Variants in LRBA observed in about 807,000 individuals in gnomAD.
LRBA encodes the protein lipopolysaccharide-responsive and beige-like anchor protein.
In LRBA, 176 loss-of-function variants were observed where a neutral mutation model predicts 330.0. The observed-to-expected ratio is 0.53, with a 90% CI of 0.47 to 0.60. LRBA has a LOEUF of 0.60. LRBA is among the 20% of genes least tolerant of loss of function. The probability of loss-of-function intolerance (pLI) is 0.00; values close to 1 mark genes in which losing one functional copy is unlikely to be tolerated. For synonymous variants in LRBA, 1,230 were observed against 1,193.0 expected, an observed-to-expected ratio of 1.03 and a Z score of -0.64; for missense variants, 3,259 against 3,444.8, an observed-to-expected ratio of 0.95 and a Z score of 1.35.
chr4:151,002,937 C>A (rs1579462278), intron 2 of LRBA, among the ~76,000 whole-genome samples: 1 of 151,520 alleles, frequency 6.6e-6, no homozygotes, highest in Non-Finnish European at 1.5e-5. Flanking sequence ...TAGTTTGAGC[C>A]CAGGAGGTGG....
chr4:151,005,292 A>G (rs541623715), intron 2 of LRBA, among the ~76,000 whole-genome samples: 8 of 151,844 alleles, frequency 5.3e-5, no homozygotes, highest in Non-Finnish European at 1.2e-4. Context: ...ACAAATACAA[A>G]AAATTAGCCA....
intron 44 of LRBA, among the ~76,000 whole-genome samples, chr4:150,457,162 T>A (rs909509814): frequency 6.6e-6 from 1 of 152,116 alleles, no homozygotes; most frequent in Non-Finnish European, 1.5e-5. Context: ...TTTACTCCTT[T>A]CCACTTCCAA....
In LRBA at chr4:150,908,792, G is replaced by A. The variant is rs773404349; in HGVS notation, c.1227C>T (p.Tyr409=). The part of the protein sequence containing the change: ...FLAEHHKLLL[Y]DGKLSSAIAF... ...CAATGGCACTAGAGAGTTTCCCATC[G>A]TACAATAAAAGTTTGTGATGCTCAG... Residue 409 remains tyrosine, a synonymous_variant, in exon 10 of 57, where the codon TAC becomes TAT. Transcript: ENST00000651943. 10 of 1,613,606 alleles carry A rather than the reference G, an allele frequency of 6.2e-6. No individual in the cohort carries two copies. The highest frequency in any genetic ancestry group is 1.3e-5 in the African/African-American group (1 of 74,892).
At chr4:150,834,215 T>C (rs1354663338) in intron 28 of LRBA, among the ~76,000 whole-genome samples, 1 of 152,344 alleles carries the variant, frequency 6.6e-6, no homozygotes, top group East Asian at 1.9e-4. Context: ...TTTCTTCCCA[T>C]GAATCACATG....
intron 37 of LRBA, among the ~76,000 whole-genome samples, chr4:150,607,428 A>G (rs1774763766): frequency 6.6e-6 from 1 of 151,986 alleles, no homozygotes; most frequent in South Asian, 2.1e-4. Flanking sequence ...CAAGGGCTGT[A>G]ACAAGAGGGA....
At chr4:150,593,324 T>C (rs1773118553) in intron 38 of LRBA, among the ~76,000 whole-genome samples, 1 of 152,090 alleles carries the variant, frequency 6.6e-6, no homozygotes. Context: ...AGTCAGGGAG[T>C]AGTGTTAAAA....
intron 40 of LRBA, among the ~76,000 whole-genome samples, chr4:150,570,082 A>C (rs1327132753): frequency 6.6e-6 from 1 of 152,166 alleles, no homozygotes; most frequent in African/African-American, 2.4e-5. Flanking sequence ...GTAATGTAAA[A>C]GATGGTTCAA....
intron 40 of LRBA, among the ~76,000 whole-genome samples, chr4:150,528,688 A>G (rs1763744671): frequency 1.3e-5 from 2 of 152,130 alleles, no homozygotes; most frequent in South Asian, 2.1e-4. Context: ...TAGGTAATAA[A>G]GAGCTTTTCA....
intron 17 of LRBA, among the ~76,000 whole-genome samples, chr4:150,872,996 A>G (rs189025282): frequency 1.3e-5 from 2 of 152,112 alleles, no homozygotes; most frequent in African/African-American, 4.8e-5. Context: ...GCACATACTT[A>G]TATGTAACGT....
chr4:150,952,629 TTCTC>T (rs969059974), intron 2 of LRBA, among the ~76,000 whole-genome samples: 1 of 152,040 alleles, frequency 6.6e-6, no homozygotes, highest in Non-Finnish European at 1.5e-5. Context: ...GGCCGTCTGT[TTCTC>T]TCTCTCTTTC....
intron 53 of LRBA, among the ~76,000 whole-genome samples, chr4:150,300,203 T>G (rs1161258527): frequency 1.3e-5 from 2 of 152,076 alleles, no homozygotes; most frequent in African/African-American, 4.8e-5. Context: ...GATTCATCTT[T>G]CAAAGCTGAA....
intron 16 of LRBA, among the ~76,000 whole-genome samples, chr4:150,895,862 G>T (rs936528913): frequency 2.0e-5 from 3 of 152,112 alleles, no homozygotes; most frequent in African/African-American, 7.2e-5. Context: ...TCGCCACACC[G>T]ACTTCCACAA....
chr4:150,870,343 C>CT (rs1195122182), intron 20 of LRBA, among the ~76,000 whole-genome samples, 182 bp downstream of exon 20: 2 of 152,144 alleles, frequency 1.3e-5, no homozygotes, highest in African/African-American at 4.8e-5. Flanking sequence ...TTCCACATAA[C>CT]TTAAGGTTGA....
At chr4:150,491,710 G>A (rs187908210) in intron 40 of LRBA, among the ~76,000 whole-genome samples, 14 of 152,252 alleles carry the variant, frequency 9.2e-5, no homozygotes, top group Admixed American at 6.5e-4. Context: ...CCAGGTGACA[G>A]ACAGAGTTGC....
intron 37 of LRBA, among the ~76,000 whole-genome samples, chr4:150,620,920 A>C (rs1309943027): frequency 6.6e-6 from 1 of 152,118 alleles, no homozygotes; most frequent in East Asian, 1.9e-4. Context: ...CAATTCATCC[A>C]TGTAACCACT....
chr4:150,450,572 A>C (rs1242790897), intron 44 of LRBA, among the ~76,000 whole-genome samples: 1 of 152,138 alleles, frequency 6.6e-6, no homozygotes, highest in Non-Finnish European at 1.5e-5. Flanking sequence ...ATTTGGGCCC[A>C]CCCTAATGAC....
rs562657912 is a variant in LRBA, at chr4:150,955,342, T to C, written c.217-26277A>G. 1.9e-4 allele frequency among the ~76,000 whole-genome samples: 29 copies of C among 149,296 alleles called. 4 individuals carry two copies. The highest frequency in any genetic ancestry group is 7.5e-4 in the African/African-American group (29 of 38,760). On this transcript the variant is annotated intron_variant, in intron 2 of 56. Coordinates refer to ENST00000651943, the MANE Select transcript of LRBA (RefSeq NM_001364905.1). ...GATGAATGAAAATGAAGATACAACA[T>C]GACAAAATGTATGGAATGTATAAAG... is the stretch of plus-strand genomic sequence containing the variant.
At chr4:150,771,600 C>T (rs1736574795) in intron 34 of LRBA, among the ~76,000 whole-genome samples, 1 of 152,134 alleles carries the variant, frequency 6.6e-6, no homozygotes, top group Admixed American at 6.6e-5. Context: ...AATGCTGCCC[C>T]TTCTATGATG....
chr4:150,636,471 C>A (rs556946503), intron 37 of LRBA, among the ~76,000 whole-genome samples: 1 of 152,240 alleles, frequency 6.6e-6, no homozygotes, highest in East Asian at 1.9e-4. Context: ...CATTCTAGCA[C>A]AAAAAGGTGC....
Sources: allele counts gnomAD v4.1 joint callset (sites outside exome capture counted in the v4.1 genomes callset), GRCh38; gene constraint gnomAD v4.1.1; transcripts MANE v1.5; gene names NCBI Gene and HGNC (gene_info 2026-07-23, HGNC 2026-07-21).